The following EDARADD variants were observed in gnomAD, a reference collection of about 807,000 sequenced individuals.
EDARADD encodes the protein EDAR associated via death domain, also known as ectodysplasin-A receptor-associated adapter protein.
A neutral mutation model predicts 25.6 loss-of-function variants in EDARADD; 20 were observed. The ratio of observed to expected loss-of-function variants is 0.78; its 90% CI spans 0.55 to 1.14. EDARADD has a LOEUF of 1.14. Ranked by LOEUF, EDARADD falls within the 50% of genes most tolerant of loss-of-function variation. EDARADD has a pLI of 0.00. For synonymous variants in EDARADD, 86 were observed against 94.4 expected (o/e 0.91, Z 0.52); for missense variants, 225 against 270.1 (o/e 0.83, Z 1.17).
rs1173770089 is a variant in EDARADD, at chr1:236,395,815, G to T, written c.61+1310G>T. On this transcript the variant is annotated intron_variant, in intron 1 of 5. Coordinates refer to ENST00000334232, the MANE Select transcript of EDARADD (RefSeq NM_145861.4). This position sits in a 1 kb window ranked among gnomAD's most constrained non-coding sequence, Gnocchi z 6.9. ...ACCCCCGACCCAGGCGCCAGACCCG[G>T]AGTCGCACGGGGCTCCCAGTCCAGC... 1.3e-5 allele frequency among the ~76,000 whole-genome samples: 2 copies of T among 151,590 alleles called. No individual in the cohort carries two copies. The highest frequency in any genetic ancestry group is 2.9e-5 in the Non-Finnish European group (2 of 67,826).
intron 4 of EDARADD, among the ~76,000 whole-genome samples, chr1:236,436,649 GA>G (rs1303068372): frequency 1.5e-5 from 2 of 134,566 alleles, no homozygotes; most frequent in African/African-American, 5.3e-5. Context: ...AAAAAAGTAA[GA>G]ACCTTAACTC....
intron 4 of EDARADD, among the ~76,000 whole-genome samples, chr1:236,433,159 T>C (rs538833799): frequency 9.9e-6 from 1 of 100,926 alleles, no homozygotes; most frequent in Admixed American, 9.9e-5. Flanking sequence ...AAAATTTAGA[T>C]TCTAGATCAA....
intron 3 of EDARADD, among the ~76,000 whole-genome samples, chr1:236,359,413 C>T (rs567634713): frequency 1.6e-4 from 25 of 152,296 alleles, no homozygotes; most frequent in East Asian, 3.9e-4. Context: ...TTCAACCTTC[C>T]GCCATGTGAG....
chr1:236,365,459 C>A (rs1165874536), intron 3 of EDARADD, among the ~76,000 whole-genome samples: 1 of 152,098 alleles, frequency 6.6e-6, no homozygotes, highest in Non-Finnish European at 1.5e-5. Context: ...CTGCACCCAA[C>A]CAATTTTTAA....
chr1:236,362,704 T>C (rs1479058124), intron 3 of EDARADD, among the ~76,000 whole-genome samples: 6 of 152,014 alleles, frequency 3.9e-5, no homozygotes, highest in Non-Finnish European at 5.9e-5. Context: ...TAGAATCAAT[T>C]TTGAGTTAAT....
chr1:236,407,136 G>A (rs1273640100), intron 1 of EDARADD, among the ~76,000 whole-genome samples: 2 of 152,170 alleles, frequency 1.3e-5, no homozygotes, highest in African/African-American at 4.8e-5. Context: ...CAAATTTGTA[G>A]TGCATCAGGG....
chr1:236,477,274 G>A (rs1229942251), intron 5 of EDARADD, among the ~76,000 whole-genome samples: 2 of 152,058 alleles, frequency 1.3e-5, no homozygotes, highest in African/African-American at 4.8e-5. Flanking sequence ...TCAGTACTCT[G>A]GGAGGCTGAA....
rs1280664578 is a variant in EDARADD at position 236,362,998 on chromosome 1, AAAAAAAAAAT to A, written c.-6+12161_-6+12170del. On this transcript the variant is annotated intron_variant, in intron 3 of 7. Coordinates refer to the EDARADD transcript ENST00000439430. The stretch of plus-strand genomic sequence containing the variant: ...TCTTCTTTTTTTAAGAAAAAAAAAA[AAAAAAAAAAT>A]ATATATATATATATATATATATATA... 4.1e-4 allele frequency among the ~76,000 whole-genome samples: 24 copies of A among 58,132 alleles called. 2 individuals are homozygous for A. The East Asian group carries it at 0.034, about 83-fold the overall frequency. 38.1% of individuals were successfully genotyped at this position (58,132 alleles called of 152,430 possible). A position where few individuals can be genotyped will look rare whatever the true frequency, so the allele number is the denominator to read the frequency against.
chr1:236,396,414 C>T (rs555945622), intron 1 of EDARADD, among the ~76,000 whole-genome samples: 34 of 152,318 alleles, frequency 2.2e-4, no homozygotes, highest in Non-Finnish European at 3.1e-4. Flanking sequence ...TGATCTATCC[C>T]TCAGAGTACA....
At chr1:236,437,097 G>A (rs1436772684) in intron 4 of EDARADD, among the ~76,000 whole-genome samples, 1 of 152,190 alleles carries the variant, frequency 6.6e-6, no homozygotes, top group African/African-American at 2.4e-5. Context: ...TGGGAAGGGT[G>A]AGTGGAAGTG....
chr1:236,483,571 A>C lies in EDARADD; in HGVS notation c.*922A>C. 7.4e-7 allele frequency: 1 copy of C among 1,353,682 alleles called. No homozygotes were observed. The highest frequency in any genetic ancestry group is 1.2e-5 in the South Asian group (1 of 85,666). The allele number at this position is 1,353,682 out of a possible 1,614,324, so 83.9% of individuals were successfully genotyped here. ...GTTCCCCTGTACCACCACATCGCCG[A>C]CTTGTCTGGCAACTCCAAAGTCATC... On this transcript the variant is annotated 3_prime_UTR_variant, in exon 6 of 6. Coordinates refer to ENST00000334232, the MANE Select transcript of EDARADD (RefSeq NM_145861.4).
At chr1:236,469,672 G>A (rs1031423423) in intron 5 of EDARADD, among the ~76,000 whole-genome samples, 2 of 152,064 alleles carry the variant, frequency 1.3e-5, no homozygotes, top group Non-Finnish European at 2.9e-5. Flanking sequence ...AAACCAGAAG[G>A]TGCAGTGCGT....
chr1:236,463,178 C>T lies in EDARADD; in HGVS notation c.220-5053C>T, dbSNP rs113200334. On this transcript the variant is annotated intron_variant, in intron 4 of 5. Transcript: ENST00000334232. ...GCTATCCTCGGAATAGTGTTTGTAT[C>T]GTGTCACTCTGGCACGGGGCTCTAC... is the stretch of plus-strand genomic sequence containing the variant. Among the ~76,000 whole-genome samples the T allele has an allele frequency of 6.4e-3, 977 of 152,324 alleles. 18 individuals are homozygous for T. The highest frequency in any genetic ancestry group is 0.021 in the African/African-American group (888 of 41,560).
At chr1:236,430,425 C>T (rs867901335) in intron 4 of EDARADD, among the ~76,000 whole-genome samples, 2 of 152,202 alleles carry the variant, frequency 1.3e-5, no homozygotes, top group African/African-American at 4.8e-5. Flanking sequence ...TAGGGATTTT[C>T]CAAAACCACT....
intron 4 of EDARADD, among the ~76,000 whole-genome samples, chr1:236,437,765 T>G (rs1333197480): frequency 1.1e-5 from 1 of 93,350 alleles, no homozygotes; most frequent in Non-Finnish European, 2.4e-5. Context: ...TTTTTTTTTT[T>G]GAGACTTGCT....
At chr1:236,441,319 T>A (rs900090816) in intron 4 of EDARADD, among the ~76,000 whole-genome samples, 1 of 145,008 alleles carries the variant, frequency 6.9e-6, no homozygotes, top group African/African-American at 2.5e-5. Context: ...TAAATATATA[T>A]AAATGTATAT....
intron 4 of EDARADD, among the ~76,000 whole-genome samples, chr1:236,455,464 A>T (rs1342829491): frequency 6.6e-6 from 1 of 152,220 alleles, no homozygotes; most frequent in Non-Finnish European, 1.5e-5. Context: ...AATAGACTGG[A>T]GAGTCCTTTA....
chr1:236,417,577 T>G (rs571681627), intron 3 of EDARADD, among the ~76,000 whole-genome samples: 11 of 152,272 alleles, frequency 7.2e-5, no homozygotes, highest in Non-Finnish European at 1.0e-4. Flanking sequence ...TTACAGTTTT[T>G]GGGGGTTCAT....
rs1469543470 is a variant in EDARADD, at chr1:236,353,024, C to A, written c.-6+2185C>A. 1.1e-4 allele frequency among the ~76,000 whole-genome samples: 15 copies of A among 141,246 alleles called. No individual in the cohort carries two copies. The East Asian group carries it at 1.3e-3, about 13-fold the overall frequency. The allele number at this position is 141,246 out of a possible 152,430, so 92.7% of individuals were successfully genotyped here. On this transcript the variant is annotated intron_variant, in intron 3 of 7. Transcript: ENST00000439430. ...GACTCCGTCTCTAAAAAAAAAACAA[C>A]AACAACAAATTATCTAACAGTAATA...
Sources: allele counts gnomAD v4.1 joint callset (sites outside exome capture counted in the v4.1 genomes callset), GRCh38; gene constraint gnomAD v4.1.1; non-coding constraint Gnocchi (gnomAD v3.1); transcripts MANE v1.5; gene names NCBI Gene and HGNC (gene_info 2026-07-23, HGNC 2026-07-21).